Variants in CD109 observed in about 807,000 individuals in gnomAD.
The protein encoded by CD109 is CD109 molecule.
A neutral mutation model predicts 165.8 loss-of-function variants in CD109; 149 were observed. That is an observed-to-expected ratio of 0.90 (90% CI 0.79 to 1.03). CD109 has a LOEUF of 1.03. Among genes scored for constraint, CD109 ranks in the 50% least tolerant of loss-of-function variants. The pLI, the probability that CD109 is intolerant of heterozygous loss-of-function variation, is 0.00. For synonymous variants in CD109, 585 were observed against 592.1 expected, an observed-to-expected ratio of 0.99 and a Z score of 0.18; for missense variants, 1,712 against 1,677.8, an observed-to-expected ratio of 1.02 and a Z score of -0.36.
intron 2 of CD109, among the ~76,000 whole-genome samples, chr6:73,700,283 G>T (rs1292701931): frequency 6.6e-6 from 1 of 150,848 alleles, no homozygotes; most frequent in Non-Finnish European, 1.5e-5. Context: ...ATGGGGTCTT[G>T]CTATGTTGCC....
rs1774981653 is a variant in CD109 at position 73,791,767 on chromosome 6, C to G, written c.2702-859C>G. ...GTAATAATATAACCTCTATTTTTTT[C>G]TTTGTATTCACATCTAAAATTTAAG... On this transcript the variant is annotated intron_variant, in intron 22 of 32. Transcript: ENST00000287097. Among the ~76,000 whole-genome samples the G allele has an allele frequency of 2.6e-5, 4 of 152,082 alleles. No individual in the cohort carries two copies. The South Asian group carries it at 8.3e-4, about 32-fold the overall frequency.
intron 20 of CD109, among the ~76,000 whole-genome samples, chr6:73,786,631 T>C (rs2150257962): frequency 6.6e-6 from 1 of 152,110 alleles, no homozygotes; most frequent in African/African-American, 2.4e-5. Context: ...CCACAAAAGA[T>C]ACCTTGAGAA....
intron 23 of CD109, among the ~76,000 whole-genome samples, chr6:73,801,197 A>G (rs748742764): frequency 6.6e-6 from 1 of 152,190 alleles, no homozygotes; most frequent in Non-Finnish European, 1.5e-5. Flanking sequence ...CTAATGCCCA[A>G]CTTCACTCCC....
intron 3 of CD109, among the ~76,000 whole-genome samples, chr6:73,729,600 A>G (rs1772278072): frequency 6.6e-6 from 1 of 151,290 alleles, no homozygotes; most frequent in Non-Finnish European, 1.5e-5. Context: ...GCTCACTGCA[A>G]CCTCCATGTT....
intron 30 of CD109, among the ~76,000 whole-genome samples, chr6:73,817,468 G>C (rs1775980025): frequency 6.6e-6 from 1 of 152,198 alleles, no homozygotes; most frequent in Admixed American, 6.5e-5. Flanking sequence ...GAAGTCAGCA[G>C]TTGTACTGTA....
Position 73,810,131 on chromosome 6 carries a change from T to A in CD109, c.3503T>A (p.Leu1168Gln), listed in dbSNP as rs779775649. The A allele has an allele frequency of 6.2e-7, 1 of 1,606,404 alleles. No homozygotes were observed. Among genetic ancestry groups the A allele is most frequent in the Admixed American group, 1.7e-5 (1 of 57,542 alleles). Residue 1168 changes from leucine to glutamine, a missense_variant, in exon 27 of 33, where the codon CTA becomes CAA. Leu to Gln is a moderately radical substitution (Grantham distance 113). Coordinates refer to ENST00000287097, the MANE Select transcript of CD109 (RefSeq NM_133493.5). ...GAGGGAATCCCAATTATGAGGTGGC[T>A]AAGCAGGCAAAGAAATAGCTTGGGT... ...TSEGIPIMRW[L>Q]SRQRNSLGGF... is the part of the protein sequence containing the mutation.
chr6:73,805,468 A>G (rs1344994319), intron 24 of CD109, among the ~76,000 whole-genome samples: 1 of 152,242 alleles, frequency 6.6e-6, no homozygotes, highest in Non-Finnish European at 1.5e-5. Context: ...ATACCGAGAC[A>G]TTCCATTGCC....
At position 73,766,981 on chromosome 6, in the gene CD109, A is replaced by G; in HGVS notation, c.1468A>G (p.Asn490Asp). ...GSPFELVVSG[N>D]KRLKELSYMV... is the part of the protein sequence containing the mutation. The stretch of plus-strand genomic sequence containing the variant: ...GCCTTTTGAGTTGGTGGTTAGTGGC[A>G]ACAAACGATTGAAGGAGTTAAGCTA... Residue 490 changes from asparagine (N) to aspartate (D), a missense_variant, in exon 13 of 33, where the codon AAC (asparagine) becomes GAC (aspartate). Transcript: ENST00000287097. The G allele has an allele frequency of 6.2e-7, 1 of 1,613,836 alleles. No homozygotes were observed. The highest frequency in any genetic ancestry group is 1.1e-5 in the South Asian group (1 of 91,038).
intron 3 of CD109, among the ~76,000 whole-genome samples, chr6:73,725,505 T>TTC (rs71962181): frequency 5.8e-4 from 27 of 46,230 alleles, no homozygotes; most frequent in South Asian, 1.8e-3. Context: ...ACTACACTTC[T>TTC]TTTTTTTTTT....
chr6:73,739,117 A>G (rs1772654885), intron 5 of CD109, among the ~76,000 whole-genome samples: 1 of 152,242 alleles, frequency 6.6e-6, no homozygotes, highest in Admixed American at 6.5e-5. Context: ...AAAACTATAT[A>G]GCAATAATTT....
intron 2 of CD109, among the ~76,000 whole-genome samples, chr6:73,709,086 C>T (rs1771421808): frequency 6.6e-6 from 1 of 152,102 alleles, no homozygotes; most frequent in South Asian, 2.1e-4. Context: ...ATGCCTGTGT[C>T]CTGAATGGTA....
chr6:73,821,248 G>A (rs1405071053), intron 32 of CD109, among the ~76,000 whole-genome samples: 1 of 152,086 alleles, frequency 6.6e-6, no homozygotes, highest in Non-Finnish European at 1.5e-5. Flanking sequence ...CATGGCACAT[G>A]TATACATATG....
At chr6:73,723,831 C>T (rs1772042508) in intron 3 of CD109, among the ~76,000 whole-genome samples, 1 of 152,046 alleles carries the variant, frequency 6.6e-6, no homozygotes, top group South Asian at 2.1e-4. Context: ...ATCTGTGCGA[C>T]AACCCCCATG....
intron 16 of CD109, 53 bp from the exon 17 acceptor site, chr6:73,781,206 T>C: frequency 6.9e-7 from 1 of 1,455,936 alleles, no homozygotes; most frequent in Non-Finnish European, 9.6e-7. Context: ...CTTGATAATT[T>C]AGTGAGCATT....
At chr6:73,743,276 C>T (rs538742428) in intron 5 of CD109, among the ~76,000 whole-genome samples, 8 of 152,286 alleles carry the variant, frequency 5.3e-5, no homozygotes, top group African/African-American at 9.6e-5. Context: ...ACTACAATTT[C>T]GTAACCGTTG....
At chr6:73,782,490 T>C (rs1012116634) in intron 17 of CD109, 124 bp from the exon 18 acceptor site, 26 of 863,716 alleles carry the variant, frequency 3.0e-5, no homozygotes, top group Middle Eastern at 3.5e-4. Context: ...AGGAACCTGA[T>C]ACTCTCACTG....
chr6:73,723,319 T>G, intron 3 of CD109, 40 bp downstream of exon 3: 1 of 1,387,352 alleles, frequency 7.2e-7, no homozygotes, highest in Middle Eastern at 1.8e-4. Flanking sequence ...AGAAATATAT[T>G]GTATCAGTGA....
intron 23 of CD109, among the ~76,000 whole-genome samples, chr6:73,802,287 GTGTA>G (rs1269965992): frequency 2.2e-4 from 21 of 94,784 alleles, no homozygotes; most frequent in South Asian, 6.8e-4. Flanking sequence ...GTGTGTGTGT[GTGTA>G]TATATATATA....
chr6:73,781,070 A>C (rs971608322), intron 16 of CD109, among the ~76,000 whole-genome samples, 189 bp from the exon 17 acceptor site: 1 of 148,712 alleles, frequency 6.7e-6, no homozygotes, highest in Non-Finnish European at 1.5e-5. Flanking sequence ...TTGAGTGAGA[A>C]AGGTTGATGT....
Sources: gnomAD v4.1 joint callset for allele counts (sites outside exome capture counted in the v4.1 genomes callset) on GRCh38, gnomAD v4.1.1 for gene constraint, MANE v1.5 for transcripts, NCBI Gene and HGNC (gene_info 2026-07-23, HGNC 2026-07-21) for gene names.